The following RAB11FIP4 variants were observed in gnomAD, a reference collection of about 807,000 sequenced individuals.
The protein encoded by RAB11FIP4 is rab11 family-interacting protein 4.
Under a neutral mutation model 74.3 loss-of-function variants are expected in RAB11FIP4, and 23 were observed. That is an observed-to-expected ratio of 0.31 (90% confidence interval 0.22 to 0.44). The LOEUF (loss-of-function observed/expected upper bound fraction) is 0.44, where lower values mean the gene tolerates loss of function less well. Ranked by LOEUF, RAB11FIP4 falls within the 20% of genes least tolerant of loss-of-function variation. The pLI is 1.00. For synonymous variants in RAB11FIP4, 360 were observed against 359.9 expected, an observed-to-expected ratio of 1.00 and a Z score of 0.00; for missense variants, 630 against 863.9, an observed-to-expected ratio of 0.73 and a Z score of 3.39.
rs543915160 is a variant in RAB11FIP4, at chr17:31,444,472, G to T, written c.336+10350G>T. ...CTCTGATTAAGCCAAAGGTGGCGGG[G>T]ATGGAAGCAGTGCAGATATGGAAGC... On this transcript the variant is annotated intron_variant, in intron 3 of 14. Coordinates refer to ENST00000621161, the MANE Select transcript of RAB11FIP4 (RefSeq NM_032932.6). 1.4e-3 allele frequency among the ~76,000 whole-genome samples: 210 copies of T among 152,298 alleles called. 1 individual carries two copies. Among genetic ancestry groups the T allele is most frequent in the African/African-American group, 4.7e-3 (194 of 41,562 alleles).
chr17:31,400,426 A>G (rs2070973927), intron 1 of RAB11FIP4, among the ~76,000 whole-genome samples: 1 of 152,160 alleles, frequency 6.6e-6, no homozygotes, highest in African/African-American at 2.4e-5. Context: ...CCTTCCCTGC[A>G]GGGGCTTTGG....
chr17:31,493,593 G>T (rs2072055547), intron 3 of RAB11FIP4, among the ~76,000 whole-genome samples: 1 of 152,166 alleles, frequency 6.6e-6, no homozygotes, highest in Non-Finnish European at 1.5e-5. Flanking sequence ...TTTCCTGGAA[G>T]AAATGCCTAC....
rs1418062151 is a variant in RAB11FIP4, at chr17:31,533,372, A to AC, written c.*1641dup. ...GACCCAGGACTTTGGAGCCACCCAC[A>AC]CTGGGAAGACTAGGCTAGGCAGTCG... On this transcript the variant is annotated 3_prime_UTR_variant, in exon 15 of 15. Transcript: ENST00000621161. The AC allele has an allele frequency of 6.6e-6, 1 of 152,246 alleles. No homozygotes were observed. Among genetic ancestry groups the AC allele is most frequent in the Non-Finnish European group, 1.5e-5 (1 of 68,078 alleles). The allele number at this position is 152,246 out of a possible 1,614,324, so 9.4% of individuals were successfully genotyped here. A position where few individuals can be genotyped will look rare whatever the true frequency, so the allele number is the denominator to read the frequency against.
chr17:31,423,267 G>T (rs2071217082), intron 1 of RAB11FIP4, among the ~76,000 whole-genome samples: 1 of 152,132 alleles, frequency 6.6e-6, no homozygotes. Flanking sequence ...CTGTTTCTTT[G>T]TATGTCAAGT....
chr17:31,512,038 A>G lies in RAB11FIP4; in HGVS notation c.337-5613A>G, dbSNP rs1219277697. ...AGTGGCTGGCTGGATCCTGTTCTCC[A>G]GCTCTCTCCAGAATGCCCTGGCCTC... On this transcript the variant is annotated intron_variant, in intron 3 of 14. Transcript: ENST00000621161. This position sits in a 1 kb window ranked among gnomAD's most constrained non-coding sequence, Gnocchi z 4.1. 6.6e-6 allele frequency among the ~76,000 whole-genome samples: 1 copy of G among 152,114 alleles called. No homozygotes were observed. The highest frequency in any genetic ancestry group is 2.4e-5 in the African/African-American group (1 of 41,422).
chr17:31,533,040 T>C lies in RAB11FIP4; in HGVS notation c.*1308T>C, dbSNP rs1191074136. The C allele has an allele frequency of 1.3e-5, 2 of 152,178 alleles. No individual in the cohort carries two copies. The highest frequency in any genetic ancestry group is 2.4e-5 in the African/African-American group (1 of 41,444). 9.4% of individuals were successfully genotyped at this position (152,178 alleles called of 1,614,324 possible). A position where few individuals can be genotyped will look rare whatever the true frequency, so the allele number is the denominator to read the frequency against. On this transcript the variant is annotated 3_prime_UTR_variant, in exon 15 of 15. Coordinates refer to ENST00000621161, the MANE Select transcript of RAB11FIP4 (RefSeq NM_032932.6). ...CTTAATCCAAATATATATAAACGTG[T>C]GTGGTCTTATTCTTCCCCCTGCAGT...
chr17:31,431,993 C>A (rs1022869234), intron 2 of RAB11FIP4, 93 bp downstream of exon 2: 9 of 955,152 alleles, frequency 9.4e-6, no homozygotes, highest in Non-Finnish European at 1.5e-5. Context: ...GGATTCCTCC[C>A]CACAGGGGTC....
At chr17:31,483,717 T>C (rs1024764420) in intron 3 of RAB11FIP4, among the ~76,000 whole-genome samples, 1 of 152,208 alleles carries the variant, frequency 6.6e-6, no homozygotes, top group African/African-American at 2.4e-5. Flanking sequence ...TTGGCTAATA[T>C]TGGTTGGCAT....
At chr17:31,417,768 G>A (rs2071162105) in intron 1 of RAB11FIP4, among the ~76,000 whole-genome samples, 1 of 152,158 alleles carries the variant, frequency 6.6e-6, no homozygotes, top group African/African-American at 2.4e-5. Context: ...GTTGCTGTGG[G>A]GGAATATGGG....
At chr17:31,522,666 A>C (rs1312526699) in intron 7 of RAB11FIP4, 8 of 534,964 alleles carry the variant, frequency 1.5e-5, no homozygotes, top group Non-Finnish European at 2.0e-5. Flanking sequence ...ATGCCCTGAG[A>C]GAGACAGAGC....
chr17:31,468,394 C>A (rs1567666028), intron 3 of RAB11FIP4, among the ~76,000 whole-genome samples: 1 of 152,158 alleles, frequency 6.6e-6, no homozygotes, highest in African/African-American at 2.4e-5. Flanking sequence ...CAAATCCTGG[C>A]TCTGAATGTC....
intron 3 of RAB11FIP4, among the ~76,000 whole-genome samples, chr17:31,499,354 CCTTT>C (rs1336140357): frequency 6.6e-6 from 1 of 151,872 alleles, no homozygotes; most frequent in Admixed American, 6.6e-5. Flanking sequence ...TTTCCTTCTT[CCTTT>C]CTTTCTTCTT....
At chr17:31,505,411 ATTAT>A (rs2072298993) in intron 3 of RAB11FIP4, among the ~76,000 whole-genome samples, 1 of 105,314 alleles carries the variant, frequency 9.5e-6, no homozygotes, top group African/African-American at 4.0e-5. Context: ...ATATATAATA[ATTAT>A]TATATATTAA....
intron 3 of RAB11FIP4, among the ~76,000 whole-genome samples, chr17:31,504,229 C>T (rs1245121227): frequency 6.8e-6 from 1 of 147,822 alleles, no homozygotes; most frequent in African/African-American, 2.7e-5. Context: ...CTCCTGGGTT[C>T]ACGCCATTCC....
chr17:31,534,567 C>G lies in RAB11FIP4; in HGVS notation c.*2835C>G, dbSNP rs1298304378. ...CATGAGCCACCATGCCTGGCCAGGA[C>G]ATATTTGAAATGGGGAGATTTTAAA... is the stretch of plus-strand genomic sequence containing the variant. On this transcript the variant is annotated 3_prime_UTR_variant, in exon 15 of 15. Coordinates refer to ENST00000621161, the MANE Select transcript of RAB11FIP4 (RefSeq NM_032932.6). The G allele has an allele frequency of 6.6e-6, 1 of 152,140 alleles. No homozygotes were observed. 9.4% of individuals were successfully genotyped at this position (152,140 alleles called of 1,614,324 possible). A position where few individuals can be genotyped will look rare whatever the true frequency, so the allele number is the denominator to read the frequency against.
chr17:31,457,433 CCTT>C (rs1246078577), intron 3 of RAB11FIP4, among the ~76,000 whole-genome samples: 2 of 152,008 alleles, frequency 1.3e-5, no homozygotes, highest in Non-Finnish European at 2.9e-5. Context: ...TGTGTCCTCT[CCTT>C]CTCCTCAAAG....
rs1427519133 is a variant in RAB11FIP4, at chr17:31,528,883, C to G, written c.1653+105C>G. On this transcript the variant is annotated intron_variant, in intron 13 of 14. Coordinates refer to ENST00000621161, the MANE Select transcript of RAB11FIP4 (RefSeq NM_032932.6). Reference sequence around the variant, plus strand: ...AGGGGAGCCCAGAGCTGTAGCAGCACTGCCTGTCTGCTTCTCAGCAACCTG... The same window carrying G: ...AGGGGAGCCCAGAGCTGTAGCAGCAGTGCCTGTCTGCTTCTCAGCAACCTG... The G allele has an allele frequency of 1.7e-5, 22 of 1,260,718 alleles. No homozygotes were observed. In the African/African-American group the frequency reaches 1.8e-4, roughly 10 times the overall value. 78.1% of individuals were successfully genotyped at this position (1,260,718 alleles called of 1,614,324 possible).
At chr17:31,431,978 A>G (rs2071314270) in intron 2 of RAB11FIP4, 78 bp downstream of exon 2, 7 of 1,126,124 alleles carry the variant, frequency 6.2e-6, no homozygotes, top group Non-Finnish European at 9.2e-6. Flanking sequence ...CTGGGGGCCC[A>G]GCCTGGATTC....
chr17:31,473,573 C>T (rs189932478), intron 3 of RAB11FIP4, among the ~76,000 whole-genome samples: 87 of 152,234 alleles, frequency 5.7e-4, no homozygotes, highest in Admixed American at 1.0e-3. Flanking sequence ...TGGAGGAAGA[C>T]AGCACTGGAA....
Sources: gnomAD v4.1 joint callset for allele counts (sites outside exome capture counted in the v4.1 genomes callset) on GRCh38, gnomAD v4.1.1 for gene constraint, Gnocchi (gnomAD v3.1) non-coding constraint, MANE v1.5 for transcripts, NCBI Gene and HGNC (gene_info 2026-07-23, HGNC 2026-07-21) for gene names.